SEMA4D: variants seen among roughly 807,000 people sequenced by gnomAD.
SEMA4D encodes the protein semaphorin-4D.
A neutral mutation model predicts 74.8 loss-of-function variants in SEMA4D; 22 were observed. The observed-to-expected ratio is 0.29, with a 90% CI of 0.21 to 0.42. The LOEUF is 0.42. Ranked by LOEUF, SEMA4D falls within the 10% of genes least tolerant of loss-of-function variation. SEMA4D has a pLI of 1.00. For synonymous variants in SEMA4D, 445 were observed against 463.7 expected (o/e 0.96, Z 0.52); for missense variants, 937 against 1,118.4 (o/e 0.84, Z 2.31).
intron 5 of SEMA4D, among the ~76,000 whole-genome samples, chr9:89,398,478 A>G (rs915971917): frequency 6.6e-6 from 1 of 152,204 alleles, no homozygotes; most frequent in African/African-American, 2.4e-5. Context: ...TTAAGTGTCC[A>G]TGCAACCTCA....
intron 1 of SEMA4D, among the ~76,000 whole-genome samples, chr9:89,460,659 A>AC (rs1371988739): frequency 1.3e-5 from 2 of 152,322 alleles, no homozygotes; most frequent in East Asian, 3.9e-4. Flanking sequence ...TGTCAGAGAT[A>AC]CCCCAGCCTC....
chr9:89,388,463 A>T (rs139885434), intron 11 of SEMA4D, among the ~76,000 whole-genome samples, 173 bp downstream of exon 11: 176 of 152,400 alleles, frequency 1.2e-3, no homozygotes, highest in African/African-American at 4.1e-3. Flanking sequence ...CTGTTACGTA[A>T]CATGCAAAAG....
rs187763593 is a variant in SEMA4D at position 89,426,136 on chromosome 9, C to T, written c.-243-20437G>A. ...CCAGGGGACTGGACCTCCTCCAGGC[C>T]GGGATCCTCCTCCCCTGCTGCCCTC... On this transcript the variant is annotated intron_variant, in intron 2 of 15. Transcript: ENST00000422704. Among the ~76,000 whole-genome samples, 51 of 152,312 alleles carry T rather than the reference C, an allele frequency of 3.3e-4. No individual in the cohort carries two copies. In the East Asian group the frequency reaches 9.3e-3, roughly 28 times the overall value.
Position 89,402,886 on chromosome 9 carries a change from G to C in SEMA4D, c.237C>G (p.Ser79=), listed in dbSNP as rs367973152. The C allele has an allele frequency of 1.2e-6, 2 of 1,613,602 alleles. No homozygotes were observed. Residue 79 remains serine (S), a synonymous_variant, in exon 4 of 16, where the codon TCC becomes TCG. Coordinates refer to ENST00000422704, the MANE Select transcript of SEMA4D (RefSeq NM_001371194.2). The part of the protein sequence containing the change: ...AVFAVNALNI[S]EKQHEVYWKV... ...CAGGACGTACCTCATGCTGCTTCTC[G>C]GAGATGTTGAGTGCGTTCACAGCGA...
At chr9:89,465,125 G>A (rs1236689185) in intron 1 of SEMA4D, among the ~76,000 whole-genome samples, 1 of 152,180 alleles carries the variant, frequency 6.6e-6, no homozygotes. Context: ...AGCCTCTCAC[G>A]CTGGCTCAGA....
At chr9:89,403,357 T>C (rs1265899462) in intron 3 of SEMA4D, among the ~76,000 whole-genome samples, 1 of 152,198 alleles carries the variant, frequency 6.6e-6, no homozygotes, top group Non-Finnish European at 1.5e-5. Flanking sequence ...TGCCAGATGC[T>C]TCCTGTGATG....
At chr9:89,486,421 T>A (rs1244889430) in intron 1 of SEMA4D, among the ~76,000 whole-genome samples, 1 of 152,194 alleles carries the variant, frequency 6.6e-6, no homozygotes, top group Non-Finnish European at 1.5e-5. Flanking sequence ...GGTATGGTTA[T>A]ATTTACCAAA....
At chr9:89,403,459 T>C (rs1429667170) in intron 3 of SEMA4D, among the ~76,000 whole-genome samples, 1 of 152,202 alleles carries the variant, frequency 6.6e-6, no homozygotes, top group Non-Finnish European at 1.5e-5. Flanking sequence ...GATTTTCTTA[T>C]TCAGGAAAAG....
At chr9:89,446,325 G>A (rs1307910465) in intron 2 of SEMA4D, among the ~76,000 whole-genome samples, 1 of 152,176 alleles carries the variant, frequency 6.6e-6, no homozygotes, top group African/African-American at 2.4e-5. Context: ...AGTCCCAGCT[G>A]CAGACTCTAA....
chr9:89,405,675 C>T lies in SEMA4D; in HGVS notation c.-219G>A. 1 of 1,412,764 alleles carries T rather than the reference C, an allele frequency of 7.1e-7. No homozygotes were observed. Among genetic ancestry groups the T allele is most frequent in the East Asian group, 2.6e-5 (1 of 39,032 alleles). 87.5% of individuals were successfully genotyped at this position (1,412,764 alleles called of 1,614,324 possible). A position where few individuals can be genotyped will look rare whatever the true frequency, so the allele number is the denominator to read the frequency against. On this transcript the variant is annotated 5_prime_UTR_variant, in exon 3 of 16. Coordinates refer to ENST00000422704, the MANE Select transcript of SEMA4D (RefSeq NM_001371194.2). Reference sequence around the variant, plus strand: ...CCGCAATGTCAAAGCCCACTTGATACTTCTTCAGGGCCTCAGAAGAAATGC... The same window carrying T: ...CCGCAATGTCAAAGCCCACTTGATATTTCTTCAGGGCCTCAGAAGAAATGC...
intron 2 of SEMA4D, chr9:89,450,535 T>C: frequency 2.6e-6 from 3 of 1,141,016 alleles, no homozygotes; most frequent in Non-Finnish European, 4.0e-6. Flanking sequence ...GTTCTGCTCC[T>C]GCCCAATGGC....
intron 2 of SEMA4D, among the ~76,000 whole-genome samples, chr9:89,440,862 G>A (rs1851533625): frequency 6.6e-6 from 1 of 152,242 alleles, no homozygotes; most frequent in Admixed American, 6.5e-5. Flanking sequence ...AACTACAGGA[G>A]ACAAGCTGGC....
chr9:89,427,284 T>C (rs1357136754), intron 2 of SEMA4D, among the ~76,000 whole-genome samples: 1 of 152,148 alleles, frequency 6.6e-6, no homozygotes, highest in African/African-American at 2.4e-5. Context: ...CAGCCTAAAA[T>C]GATACAGTCA....
intron 1 of SEMA4D, among the ~76,000 whole-genome samples, chr9:89,462,217 T>C (rs11265908): frequency 0.37 from 56,251 of 152,078 alleles, 10,813 homozygotes; most frequent in East Asian, 0.52. Context: ...AATCGCTTGG[T>C]GTGAGTGCAC....
At chr9:89,390,555 C>T (rs1839633339) in intron 9 of SEMA4D, among the ~76,000 whole-genome samples, 1 of 152,236 alleles carries the variant, frequency 6.6e-6, no homozygotes, top group Non-Finnish European at 1.5e-5. Flanking sequence ...AGGAACCCTG[C>T]TTCTCTGATG....
In SEMA4D at chr9:89,472,096, G is replaced by T. The variant is rs1006926686; in HGVS notation, c.-309-16143C>A. On this transcript the variant is annotated intron_variant, in intron 1 of 15. Transcript: ENST00000422704. ...GGCTTCTAATTCTGTGATTAAATGT[G>T]AAACAGAGGTCCTGGGTCAATTTGC... 1.7e-5 allele frequency: 3 copies of T among 172,850 alleles called. No individual in the cohort carries two copies. In the South Asian group the frequency reaches 3.7e-4, roughly 21 times the overall value. 10.7% of individuals were successfully genotyped at this position (172,850 alleles called of 1,614,324 possible).
At chr9:89,432,382 T>A (rs1010834459) in intron 2 of SEMA4D, among the ~76,000 whole-genome samples, 1 of 151,544 alleles carries the variant, frequency 6.6e-6, no homozygotes, top group Non-Finnish European at 1.5e-5. Context: ...GATCTGAAAA[T>A]TCAGGATGAT....
intron 1 of SEMA4D, among the ~76,000 whole-genome samples, chr9:89,485,299 C>T (rs1005536419): frequency 2.0e-5 from 3 of 152,254 alleles, no homozygotes; most frequent in South Asian, 2.1e-4. Context: ...CAAAGAGTGA[C>T]CAATGTTACT....
In SEMA4D at chr9:89,450,659, GGAAAAAAAAAAAAAAA is replaced by G; in HGVS notation, c.-244+5213_-244+5228del. On this transcript the variant is annotated intron_variant, in intron 2 of 15. Transcript: ENST00000422704. ...AGAGTTCTGCAAGTCGAAAAACCCA[GGAAAAAAAAAAAAAAA>G]AAAAAAAAAAAAGGCCTCCAAGACT... The G allele has an allele frequency of 1.4e-5, 6 of 419,356 alleles. No homozygotes were observed. In the Admixed American group the frequency reaches 1.8e-4, roughly 13 times the overall value. 26.0% of individuals were successfully genotyped at this position (419,356 alleles called of 1,614,324 possible). A position where few individuals can be genotyped will look rare whatever the true frequency, so the allele number is the denominator to read the frequency against.
Sources: allele counts gnomAD v4.1 joint callset (sites outside exome capture counted in the v4.1 genomes callset), GRCh38; gene constraint gnomAD v4.1.1; transcripts MANE v1.5; gene names NCBI Gene and HGNC (gene_info 2026-07-23, HGNC 2026-07-21).